The following TF variants were observed in gnomAD, a reference collection of about 807,000 sequenced individuals.
The protein encoded by TF is transferrin.
In TF, 55 loss-of-function variants were observed where a neutral mutation model predicts 82.4. The observed-to-expected ratio is 0.67, with a 90% CI of 0.54 to 0.84. The LOEUF is 0.84. Among genes scored for constraint, TF ranks in the 40% least tolerant of loss-of-function variants. The probability of loss-of-function intolerance (pLI) is 0.00; values close to 1 mark genes in which losing one functional copy is unlikely to be tolerated. For synonymous variants in TF, 332 were observed against 332.6 expected, an observed-to-expected ratio of 1.00 and a Z score of 0.02; for missense variants, 737 against 868.4, an observed-to-expected ratio of 0.85 and a Z score of 1.90.
At chr3:133,690,200 CA>C in the TF span, among the ~76,000 whole-genome samples, 2 of 148,742 alleles carry the variant, frequency 1.3e-5, no homozygotes, top group African/African-American at 4.9e-5. Context: ...CTAAGCATGC[CA>C]AAAAAAAATC....
chr3:133,687,610 C>A, the TF span, among the ~76,000 whole-genome samples: 1 of 152,190 alleles, frequency 6.6e-6, no homozygotes, highest in African/African-American at 2.4e-5. Flanking sequence ...ACATGGCAAC[C>A]ACCAATTAAT....
the TF span, among the ~76,000 whole-genome samples, chr3:133,696,795 T>TC: frequency 0.18 from 26,572 of 150,108 alleles, 2,564 homozygotes; most frequent in Middle Eastern, 0.23. Context: ...TTCTTCTTCT[T>TC]TTTTTTTTTT....
At position 133,789,186 on chromosome 3, in the gene TF, C is replaced by T. The variant is rs914502411; in HGVS notation, c.*10566C>T. On this transcript the variant is annotated 3_prime_UTR_variant, in exon 17 of 17. Coordinates refer to ENST00000402696, the MANE Select transcript of TF (RefSeq NM_001063.4). ...GCAGTTCTAAGGACTAGTACTAAGC[C>T]CTCCTTAGAATTTTCTCTTGCAGTT... The T allele has an allele frequency of 3.9e-5, 6 of 152,220 alleles. No homozygotes were observed. The highest frequency in any genetic ancestry group is 1.4e-4 in the African/African-American group (6 of 41,448). The allele number at this position is 152,220 out of a possible 1,614,324, so 9.4% of individuals were successfully genotyped here. A position where few individuals can be genotyped will look rare whatever the true frequency, so the allele number is the denominator to read the frequency against.
At position 133,787,181 on chromosome 3, in the gene TF, A is replaced by G. The variant is rs1312099802; in HGVS notation, c.*8561A>G. The G allele has an allele frequency of 6.6e-6, 1 of 152,214 alleles. No individual in the cohort carries two copies. The allele number at this position is 152,214 out of a possible 1,614,324, so 9.4% of individuals were successfully genotyped here. On this transcript the variant is annotated 3_prime_UTR_variant, in exon 17 of 17. Transcript: ENST00000402696. ...TAATTTTGCAACATTTGGTCTCTAGATGTTTAAGAAGTTGCCAGTGTATGA... is the reference window on the plus strand; with the variant it reads ...TAATTTTGCAACATTTGGTCTCTAGGTGTTTAAGAAGTTGCCAGTGTATGA...
At chr3:133,763,912 A>T (rs938995053) in intron 9 of TF, among the ~76,000 whole-genome samples, 1 of 152,224 alleles carries the variant, frequency 6.6e-6, no homozygotes, top group Non-Finnish European at 1.5e-5. Context: ...TGTGTCCTAC[A>T]AGAGGGCAAG....
the TF span, among the ~76,000 whole-genome samples, chr3:133,720,327 T>A: frequency 1.3e-5 from 2 of 152,186 alleles, no homozygotes; most frequent in Non-Finnish European, 2.9e-5. Context: ...ATTTTATCAA[T>A]GCCTTTTTTG....
At chr3:133,748,350 C>T (rs1341602420) in intron 1 of TF, 62 bp from the exon 2 acceptor site, 13 of 1,607,294 alleles carry the variant, frequency 8.1e-6, no homozygotes, top group South Asian at 2.2e-5. Flanking sequence ...TTTCTAGGGG[C>T]GATGCTGTCT....
chr3:133,781,031 A>G lies in TF; in HGVS notation c.*2411A>G, dbSNP rs764324236. 2.0e-5 allele frequency: 3 copies of G among 151,032 alleles called. No individual in the cohort carries two copies. Among genetic ancestry groups the G allele is most frequent in the Non-Finnish European group, 4.4e-5 (3 of 67,868 alleles). The allele number at this position is 151,032 out of a possible 1,614,324, so 9.4% of individuals were successfully genotyped here. On this transcript the variant is annotated 3_prime_UTR_variant, in exon 17 of 17. Transcript: ENST00000402696. ...TGTCTGGAAAATAATAAAAATAATAATAATAGGCAGGGCGTGGTGGCTCAC... is the reference window on the plus strand; with the variant it reads ...TGTCTGGAAAATAATAAAAATAATAGTAATAGGCAGGGCGTGGTGGCTCAC...
At chr3:133,701,489 G>T in the TF span, among the ~76,000 whole-genome samples, 4 of 152,158 alleles carry the variant, frequency 2.6e-5, no homozygotes, top group Admixed American at 1.3e-4. Flanking sequence ...GTAGGTATTT[G>T]CATCTACAGA....
chr3:133,742,866 A>T (rs1407695796), upstream of TF, among the ~76,000 whole-genome samples: 1 of 152,200 alleles, frequency 6.6e-6, no homozygotes, highest in African/African-American at 2.4e-5. Context: ...CGTACACACA[A>T]GCGCAGCTAT....
the TF span, chr3:133,691,789 A>G: frequency 6.5e-6 from 1 of 153,366 alleles, no homozygotes; most frequent in Non-Finnish European, 1.5e-5. Context: ...GGCCCCCTAC[A>G]GCCTTAAGCC....
chr3:133,748,679 T>C (rs755459957), intron 2 of TF, 95 bp downstream of exon 2: 28 of 1,463,918 alleles, frequency 1.9e-5, no homozygotes, highest in Admixed American at 3.9e-5. Context: ...GGTAGGAGGC[T>C]GATATATGGG....
At chr3:133,747,308 T>A (rs1446043820) in intron 1 of TF, 1 of 152,336 alleles carries the variant, frequency 6.6e-6, no homozygotes, top group African/African-American at 2.4e-5. Context: ...GAGGACACAT[T>A]CTCGCCTATG....
chr3:133,777,863 A>G (rs1278857140), intron 16 of TF: 2 of 158,086 alleles, frequency 1.3e-5, no homozygotes, highest in African/African-American at 2.4e-5. Context: ...TCTTTGCAGT[A>G]TAACTATGTT....
In TF at chr3:133,754,450, C is replaced by T. The variant is rs761138490; in HGVS notation, c.326-45C>T. ...GTCCGGTGGTGATGAGCCATGTTTC[C>T]CTGCACCAGGCTGAGGGCCTTCCAT... is the stretch of plus-strand genomic sequence containing the variant. On this transcript the variant is annotated intron_variant, in intron 3 of 16. Transcript: ENST00000402696. The T allele has an allele frequency of 1.3e-5, 21 of 1,601,274 alleles. No homozygotes were observed. The East Asian group carries it at 3.8e-4, about 29-fold the overall frequency.
At chr3:133,664,212 G>A in the TF span, among the ~76,000 whole-genome samples, 2 of 152,230 alleles carry the variant, frequency 1.3e-5, no homozygotes, top group Non-Finnish European at 2.9e-5. Flanking sequence ...CTTCAGGAAA[G>A]GGTGAAATGG....
In TF at chr3:133,766,334, C is replaced by A. The variant is rs1216686865; in HGVS notation, c.1387C>A (p.Leu463Met). 6.2e-7 allele frequency: 1 copy of A among 1,614,086 alleles called. No homozygotes were observed. The highest frequency in any genetic ancestry group is 8.5e-7 in the Non-Finnish European group (1 of 1,180,028). Residue 463 changes from leucine to methionine, a missense_variant, in exon 12 of 17, where the codon CTG becomes ATG. Physicochemically the swap from Leu to Met is conservative, Grantham distance 15 (BLOSUM62 2). Transcript: ENST00000402696. The part of the protein sequence containing the change: ...KSASDLTWDN[L>M]KGKKSCHTAV... ...AGCTTCTGACCTCACCTGGGACAATCTGAAAGGCAAGAAGTCCTGCCATAC... is the reference window on the plus strand; with the variant it reads ...AGCTTCTGACCTCACCTGGGACAATATGAAAGGCAAGAAGTCCTGCCATAC...
the TF span, among the ~76,000 whole-genome samples, chr3:133,726,721 G>T: frequency 6.6e-6 from 1 of 152,076 alleles, no homozygotes; most frequent in East Asian, 1.9e-4. Context: ...GTTTGCTCTT[G>T]CATTTCTAGT....
upstream of TF, among the ~76,000 whole-genome samples, chr3:133,741,288 C>T (rs1381992690): frequency 6.6e-6 from 1 of 152,090 alleles, no homozygotes; most frequent in Non-Finnish European, 1.5e-5. Flanking sequence ...CCACCATGCC[C>T]AGCTTTAACT....
Sources: gnomAD v4.1 joint callset for allele counts (sites outside exome capture counted in the v4.1 genomes callset) on GRCh38, gnomAD v4.1.1 for gene constraint, MANE v1.5 for transcripts, NCBI Gene and HGNC (gene_info 2026-07-23, HGNC 2026-07-21) for gene names.